Variants in OXR1 observed in about 807,000 individuals in gnomAD.
The protein encoded by OXR1 is oxidation resistance protein 1.
OXR1 carries 41 observed loss-of-function variants against 104.6 expected under a neutral mutation model. The ratio of observed to expected loss-of-function variants is 0.39; its 90% confidence interval spans 0.31 to 0.51. OXR1 has a LOEUF of 0.51. Among genes scored for constraint, OXR1 ranks in the 20% least tolerant of loss-of-function variants. The pLI is 0.77. For synonymous variants in OXR1, 348 were observed against 348.4 expected (o/e 1.00, Z 0.01); for missense variants, 955 against 1,031.9 (o/e 0.93, Z 1.02).
chr8:106,501,472 C>T (rs908914178), intron 2 of OXR1, among the ~76,000 whole-genome samples: 1 of 152,046 alleles, frequency 6.6e-6, no homozygotes, highest in Non-Finnish European at 1.5e-5. Context: ...GTGACGGACA[C>T]GATCTGAATT....
chr8:106,621,509 A>G (rs1015747768), intron 3 of OXR1, among the ~76,000 whole-genome samples: 2 of 150,784 alleles, frequency 1.3e-5, no homozygotes, highest in Non-Finnish European at 2.9e-5. Context: ...AAAACATTCA[A>G]TAAGAGTAAA....
At chr8:106,366,536 G>A (rs921707197) in intron 2 of OXR1, among the ~76,000 whole-genome samples, 3 of 152,134 alleles carry the variant, frequency 2.0e-5, no homozygotes, top group Admixed American at 2.0e-4. Flanking sequence ...ACTATTTTCT[G>A]TAAGTGTATA....
chr8:106,711,307 G>A (rs948875039), intron 10 of OXR1, among the ~76,000 whole-genome samples: 2 of 152,012 alleles, frequency 1.3e-5, no homozygotes, highest in African/African-American at 2.4e-5. Flanking sequence ...TACATTTTAA[G>A]TAAATAGTGT....
At chr8:106,574,170 G>A (rs971452987) in intron 3 of OXR1, among the ~76,000 whole-genome samples, 1 of 152,196 alleles carries the variant, frequency 6.6e-6, no homozygotes, top group Non-Finnish European at 1.5e-5. Flanking sequence ...GATAGAAGCA[G>A]TAACAGTTAG....
intron 2 of OXR1, among the ~76,000 whole-genome samples, chr8:106,393,294 A>G (rs780834028): frequency 1.3e-5 from 2 of 152,200 alleles, no homozygotes; most frequent in African/African-American, 2.4e-5. Flanking sequence ...CTGTCTTTGC[A>G]TGTCATAAAC....
At chr8:106,738,733 A>C (rs1160697800) in intron 12 of OXR1, among the ~76,000 whole-genome samples, 1 of 136,376 alleles carries the variant, frequency 7.3e-6, no homozygotes, top group Admixed American at 7.9e-5. Context: ...CGTTTTAAGA[A>C]TACCAGTGAA....
chr8:106,339,461 C>T (rs1259936141), intron 1 of OXR1, among the ~76,000 whole-genome samples: 1 of 123,728 alleles, frequency 8.1e-6, no homozygotes, highest in Non-Finnish European at 1.6e-5. Flanking sequence ...AGCCACTACA[C>T]TCCAGCCTGG....
chr8:106,600,608 G>A (rs1392349997), intron 3 of OXR1, among the ~76,000 whole-genome samples: 2 of 152,160 alleles, frequency 1.3e-5, no homozygotes, highest in East Asian at 1.9e-4. Flanking sequence ...AGGATCCAAT[G>A]GACCTCTTTT....
chr8:106,673,812 G>A (rs1394495046), intron 3 of OXR1, among the ~76,000 whole-genome samples: 1 of 152,226 alleles, frequency 6.6e-6, no homozygotes, highest in Non-Finnish European at 1.5e-5. Context: ...CATTTATTTA[G>A]AGGATACAAG....
At chr8:106,513,515 A>G (rs999060078) in intron 2 of OXR1, among the ~76,000 whole-genome samples, 1 of 152,268 alleles carries the variant, frequency 6.6e-6, no homozygotes, top group Middle Eastern at 3.4e-3. Context: ...TGCATACCAC[A>G]TAAGGGACTT....
chr8:106,307,016 A>G (rs1469042177), intron 1 of OXR1, among the ~76,000 whole-genome samples: 1 of 152,210 alleles, frequency 6.6e-6, no homozygotes, highest in Non-Finnish European at 1.5e-5. Flanking sequence ...CACCTTACCT[A>G]GCAGGAGAAG....
At chr8:106,516,676 A>G (rs968459681) in intron 2 of OXR1, among the ~76,000 whole-genome samples, 2 of 152,184 alleles carry the variant, frequency 1.3e-5, no homozygotes, top group African/African-American at 4.8e-5. Context: ...CATTGGCACC[A>G]TATATAATCT....
At chr8:106,299,057 C>G (rs745594873) in intron 1 of OXR1, among the ~76,000 whole-genome samples, 4 of 151,902 alleles carry the variant, frequency 2.6e-5, no homozygotes, top group Non-Finnish European at 4.4e-5. Context: ...TGTACGTTAA[C>G]AATCAAACCC....
intron 7 of OXR1, chr8:106,697,281 G>C: frequency 4.3e-6 from 3 of 701,578 alleles, no homozygotes; most frequent in Non-Finnish European, 4.9e-6. Flanking sequence ...GCACCTCAGA[G>C]GTGATAGGAC....
intron 1 of OXR1, among the ~76,000 whole-genome samples, chr8:106,319,789 G>A (rs898169283): frequency 6.6e-6 from 1 of 152,212 alleles, no homozygotes; most frequent in Non-Finnish European, 1.5e-5. Context: ...TTTTCATACT[G>A]TGGGCACTTC....
chr8:106,642,144 G>A (rs1326031113), intron 3 of OXR1, among the ~76,000 whole-genome samples: 1 of 152,086 alleles, frequency 6.6e-6, no homozygotes, highest in Non-Finnish European at 1.5e-5. Context: ...CTGTAAAATT[G>A]AAATTTTTAG....
chr8:106,444,809 A>G (rs1352784382), intron 2 of OXR1, among the ~76,000 whole-genome samples: 1 of 152,120 alleles, frequency 6.6e-6, no homozygotes, highest in East Asian at 1.9e-4. Flanking sequence ...TTTTTTAAAG[A>G]AGATATATTA....
chr8:106,438,411 T>C (rs1586643633), intron 2 of OXR1, among the ~76,000 whole-genome samples: 2 of 152,150 alleles, frequency 1.3e-5, no homozygotes, highest in South Asian at 2.1e-4. Context: ...AATATCTCAA[T>C]CATTTCTATA....
intron 11 of OXR1, among the ~76,000 whole-genome samples, chr8:106,735,242 C>T (rs1212651032): frequency 1.3e-5 from 2 of 149,048 alleles, no homozygotes; most frequent in Middle Eastern, 3.5e-3. Flanking sequence ...TTTTCTGTAT[C>T]CTCACCCATC....
Sources: allele counts gnomAD v4.1 joint callset (sites outside exome capture counted in the v4.1 genomes callset), GRCh38; gene constraint gnomAD v4.1.1; transcripts MANE v1.5; gene names NCBI Gene and HGNC (gene_info 2026-07-23, HGNC 2026-07-21).